XKR9: variants seen among roughly 807,000 people sequenced by gnomAD.
XKR9 encodes XK related 9.
XKR9 carries 32 observed loss-of-function variants against 32.0 expected under a neutral mutation model. The ratio of observed to expected loss-of-function variants is 1.00; its 90% confidence interval spans 0.76 to 1.34. XKR9 has a LOEUF of 1.34. XKR9 is among the 40% of genes most tolerant of loss of function. The pLI is 0.00. For missense variants in XKR9, 546 were observed against 429.7 expected, an observed-to-expected ratio of 1.27 and a Z score of -2.39; for synonymous variants, 168 against 143.4, an observed-to-expected ratio of 1.17 and a Z score of -1.22.
chr8:70,803,145 T>C, the XKR9 span, among the ~76,000 whole-genome samples: 1 of 152,186 alleles, frequency 6.6e-6, no homozygotes, highest in Non-Finnish European at 1.5e-5. Flanking sequence ...GGTTTTTTCA[T>C]TTTCCTTTAT....
At chr8:70,670,017 T>G (rs2132088655) in intron 1 of XKR9, among the ~76,000 whole-genome samples, 1 of 152,324 alleles carries the variant, frequency 6.6e-6, no homozygotes, top group African/African-American at 2.4e-5. Flanking sequence ...TACTTAGTAC[T>G]TCCTACTATG....
chr8:70,887,423 A>G, the XKR9 span, among the ~76,000 whole-genome samples: 1 of 151,840 alleles, frequency 6.6e-6, no homozygotes, highest in Admixed American at 6.6e-5. Flanking sequence ...TTTTGGTTTC[A>G]TATGAAATTT....
chr8:70,946,598 G>A, the XKR9 span, among the ~76,000 whole-genome samples: 1 of 152,136 alleles, frequency 6.6e-6, no homozygotes, highest in African/African-American at 2.4e-5. Flanking sequence ...TAGAGAAACT[G>A]GGATTAAAAT....
At chr8:70,829,665 G>C in the XKR9 span, among the ~76,000 whole-genome samples, 1 of 152,132 alleles carries the variant, frequency 6.6e-6, no homozygotes, top group Non-Finnish European at 1.5e-5. Flanking sequence ...AGCCGGGATG[G>C]TCTCGACCTC....
the XKR9 span, among the ~76,000 whole-genome samples, chr8:70,896,321 GA>G: frequency 6.6e-6 from 1 of 152,192 alleles, no homozygotes; most frequent in East Asian, 1.9e-4. Flanking sequence ...AATTGCCAAT[GA>G]AATTATCTGG....
At chr8:70,918,713 A>G in the XKR9 span, among the ~76,000 whole-genome samples, 3 of 151,476 alleles carry the variant, frequency 2.0e-5, no homozygotes. Flanking sequence ...AATAAAAACA[A>G]AAACAAAAAA....
the XKR9 span, among the ~76,000 whole-genome samples, chr8:70,955,431 T>G: frequency 1.1e-3 from 160 of 152,358 alleles, 1 homozygote; most frequent in Middle Eastern, 6.8e-3. Flanking sequence ...TTTTCTCATT[T>G]AATTTTCTCC....
chr8:70,755,258 A>G (rs1467186751), intron 2 of XKR9, among the ~76,000 whole-genome samples: 8 of 152,312 alleles, frequency 5.3e-5, no homozygotes, highest in Non-Finnish European at 1.0e-4. Context: ...GTCAGGAAAC[A>G]ACAGGTGCTG....
the XKR9 span, among the ~76,000 whole-genome samples, chr8:70,816,901 A>G: frequency 6.6e-6 from 1 of 152,182 alleles, no homozygotes; most frequent in Non-Finnish European, 1.5e-5. Context: ...ATGCAGAAAA[A>G]GCTTTTAATA....
At chr8:70,929,074 A>C in the XKR9 span, among the ~76,000 whole-genome samples, 1 of 152,204 alleles carries the variant, frequency 6.6e-6, no homozygotes, top group South Asian at 2.1e-4. Context: ...CCCTTACCAC[A>C]TGATCCATAA....
the XKR9 span, among the ~76,000 whole-genome samples, chr8:70,831,830 CTCACGACTAGTA>C: frequency 2.0e-5 from 3 of 152,118 alleles, no homozygotes; most frequent in Non-Finnish European, 4.4e-5. Flanking sequence ...TACTCAAAGC[CTCACGACTAGTA>C]AATATTGATG....
intron 4 of XKR9, among the ~76,000 whole-genome samples, chr8:70,725,519 G>A (rs1806434297): frequency 6.6e-6 from 1 of 152,052 alleles, no homozygotes. Context: ...TACAATTGAG[G>A]GGTGAGGAGA....
chr8:71,013,847 A>G, the XKR9 span, among the ~76,000 whole-genome samples: 3 of 152,178 alleles, frequency 2.0e-5, no homozygotes, highest in African/African-American at 7.2e-5. Flanking sequence ...CCTCATGGTG[A>G]AAGAAAGACT....
chr8:70,789,779 G>A (rs1807739851), intron 3 of XKR9, among the ~76,000 whole-genome samples: 1 of 151,926 alleles, frequency 6.6e-6, no homozygotes, highest in African/African-American at 2.4e-5. Flanking sequence ...TGGAATGTAG[G>A]TTCAGGTTTA....
chr8:70,705,204 C>G (rs1031087747), intron 3 of XKR9, among the ~76,000 whole-genome samples: 2 of 143,254 alleles, frequency 1.4e-5, no homozygotes, highest in Non-Finnish European at 3.2e-5. Flanking sequence ...TCATTTATTA[C>G]TTCAGTAAAT....
intron 3 of XKR9, among the ~76,000 whole-genome samples, chr8:70,689,603 G>C (rs1250635777): frequency 6.6e-6 from 1 of 151,546 alleles, no homozygotes; most frequent in Non-Finnish European, 1.5e-5. Context: ...GTGTAGCATT[G>C]TTTGTAATAG....
At chr8:71,033,202 C>T in the XKR9 span, among the ~76,000 whole-genome samples, 70 of 152,204 alleles carry the variant, frequency 4.6e-4, no homozygotes, top group Non-Finnish European at 8.5e-4. Context: ...GGAATCAGAC[C>T]GCCTGGGTTC....
intron 4 of XKR9, among the ~76,000 whole-genome samples, chr8:70,715,036 C>CA (rs1316506408): frequency 6.6e-6 from 1 of 151,986 alleles, no homozygotes; most frequent in African/African-American, 2.4e-5. Context: ...GGGAAATTGG[C>CA]AAAAATGTCA....
chr8:70,744,710 A>T (rs1183170667), intron 2 of XKR9, among the ~76,000 whole-genome samples: 4 of 152,162 alleles, frequency 2.6e-5, no homozygotes, highest in Non-Finnish European at 5.9e-5. Context: ...GGTTCGCGTG[A>T]TTCTTGTGCC....
Sources: allele counts gnomAD v4.1 joint callset (sites outside exome capture counted in the v4.1 genomes callset), GRCh38; gene constraint gnomAD v4.1.1; transcripts MANE v1.5; gene names NCBI Gene and HGNC (gene_info 2026-07-23, HGNC 2026-07-21).